Variants in MEIS2 observed in about 807,000 individuals in gnomAD.
The protein encoded by MEIS2 is Meis homeobox 2, also known as homeobox protein Meis2.
Under a neutral mutation model 58.6 loss-of-function variants are expected in MEIS2, and 9 were observed. The ratio of observed to expected loss-of-function variants is 0.15; its 90% CI spans 0.09 to 0.27. MEIS2 has a LOEUF of 0.27. Ranked by LOEUF, MEIS2 falls within the 10% of genes least tolerant of loss-of-function variation. The pLI is 1.00. For missense variants in MEIS2, 427 were observed against 635.0 expected, an observed-to-expected ratio of 0.67 and a Z score of 3.52; for synonymous variants, 221 against 228.4, an observed-to-expected ratio of 0.97 and a Z score of 0.29.
rs1596125884 is a variant in MEIS2 at position 37,093,659 on chromosome 15, G to A, written c.561C>T (p.Leu187=). The part of the protein sequence containing the change: ...SCLKGKMPID[L]VIDERDGSSK... ...AGCTGCCGTCTCTTTCATCAATGACGAGGTCGATGGGCATTTTCCCCTTCA... is the reference window on the plus strand; with the variant it reads ...AGCTGCCGTCTCTTTCATCAATGACAAGGTCGATGGGCATTTTCCCCTTCA... The change falls in exon 6 of 12, where the codon CTC becomes CTT. Residue 187 remains leucine, a synonymous_variant. Coordinates refer to ENST00000561208, the MANE Select transcript of MEIS2 (RefSeq NM_170675.5). The A allele has an allele frequency of 6.2e-7, 1 of 1,614,178 alleles. No individual in the cohort carries two copies. Among genetic ancestry groups the A allele is most frequent in the Admixed American group, 1.7e-5 (1 of 60,018 alleles).
At chr15:36,976,416 G>A (rs1265871165) in intron 8 of MEIS2, among the ~76,000 whole-genome samples, 1 of 151,086 alleles carries the variant, frequency 6.6e-6, no homozygotes, top group East Asian at 1.9e-4. Context: ...GAAAGCAAAT[G>A]GAAATGTAAG....
intron 8 of MEIS2, among the ~76,000 whole-genome samples, chr15:36,964,526 T>G (rs1373643614): frequency 2.0e-5 from 3 of 152,234 alleles, no homozygotes; most frequent in Admixed American, 6.5e-5. Context: ...TTTAAAAGCA[T>G]ATTCTCTATC....
intron 9 of MEIS2, among the ~76,000 whole-genome samples, chr15:36,925,622 T>C (rs907918467): frequency 2.0e-5 from 3 of 152,234 alleles, no homozygotes; most frequent in African/African-American, 7.2e-5. Flanking sequence ...TTTAATTTGG[T>C]TTTAATTTTA....
intron 8 of MEIS2, among the ~76,000 whole-genome samples, chr15:36,993,381 A>G (rs993769759): frequency 1.2e-4 from 18 of 152,122 alleles, no homozygotes; most frequent in African/African-American, 2.7e-4. Context: ...ATTTCTTATA[A>G]TTGTCCTTTA....
At chr15:36,926,506 T>C (rs2057754906) in intron 9 of MEIS2, among the ~76,000 whole-genome samples, 7 of 152,228 alleles carry the variant, frequency 4.6e-5, no homozygotes. Flanking sequence ...AGCAGGCACC[T>C]GTTTTCCATA....
At chr15:37,049,556 G>A (rs566155930) in intron 7 of MEIS2, among the ~76,000 whole-genome samples, 13 of 151,562 alleles carry the variant, frequency 8.6e-5, no homozygotes, top group African/African-American at 2.2e-4. Flanking sequence ...GCTCAATCTC[G>A]GCTCATTGCA....
chr15:37,083,793 G>A lies in MEIS2; in HGVS notation c.732C>T (p.Ser244=), dbSNP rs61734550. The part of the protein sequence containing the change: ...GPSSGGHASQ[S]GDNSSEQGDG... Reference sequence around the variant, plus strand: ...TACCTTGCTCACTGCTGTTGTCTCCGCTCTGGGAAGCATGGCCCCCACTGG... The same window carrying A: ...TACCTTGCTCACTGCTGTTGTCTCCACTCTGGGAAGCATGGCCCCCACTGG... Residue 244 remains serine (S), a synonymous_variant, in exon 7 of 12, where the codon AGC becomes AGT. Coordinates refer to ENST00000561208, the MANE Select transcript of MEIS2 (RefSeq NM_170675.5). 685 of 1,613,816 alleles carry A rather than the reference G, an allele frequency of 4.2e-4. 4 individuals carry two copies. In the African/African-American group the frequency reaches 7.0e-3, roughly 17 times the overall value.
intron 8 of MEIS2, among the ~76,000 whole-genome samples, chr15:37,020,085 T>G (rs2061473343): frequency 6.6e-6 from 1 of 152,126 alleles, no homozygotes; most frequent in African/African-American, 2.4e-5. Flanking sequence ...TCAGAAGGCA[T>G]TGCTTTTTGT....
At position 36,934,266 on chromosome 15, in the gene MEIS2, G is replaced by GT. The variant is rs796949461; in HGVS notation, c.977+16057dup. 3.8e-3 allele frequency among the ~76,000 whole-genome samples: 548 copies of GT among 145,024 alleles called. 4 individuals are homozygous for GT. The highest frequency in any genetic ancestry group is 0.011 in the African/African-American group (457 of 39,846). On this transcript the variant is annotated intron_variant, in intron 9 of 11. Transcript: ENST00000561208. ...GAGGAGAACATATCCACCCATTTGT[G>GT]TTTTTTTTTTTCCTCCGTAACAATT...
At chr15:36,962,543 T>G (rs1214217052) in intron 8 of MEIS2, among the ~76,000 whole-genome samples, 1 of 152,230 alleles carries the variant, frequency 6.6e-6, no homozygotes, top group Admixed American at 6.5e-5. Context: ...CATTTTTTTT[T>G]TACTGTCGCA....
rs552403585 is a variant in MEIS2, at chr15:37,040,056, T to G, written c.755-3097A>C. On this transcript the variant is annotated intron_variant, in intron 7 of 11. Transcript: ENST00000561208. ...CAACATGGATATTGGTGTTTTTTTT[T>G]TTTTGTTTTAAGGCTGTGTATGTGT... Among the ~76,000 whole-genome samples, 188 of 151,178 alleles carry G rather than the reference T, an allele frequency of 1.2e-3. 1 individual carries two copies. Among genetic ancestry groups the G allele is most frequent in the Admixed American group, 2.8e-3 (42 of 15,144 alleles).
At chr15:36,979,459 G>A (rs369377837) in intron 8 of MEIS2, among the ~76,000 whole-genome samples, 11 of 152,028 alleles carry the variant, frequency 7.2e-5, no homozygotes, top group East Asian at 5.8e-4. Flanking sequence ...GTGCTTTGGC[G>A]TTTGCCAATA....
chr15:36,989,744 A>T (rs1021086644), intron 8 of MEIS2, among the ~76,000 whole-genome samples: 1 of 152,210 alleles, frequency 6.6e-6, no homozygotes, highest in African/African-American at 2.4e-5. Context: ...CATTTCACAT[A>T]ATGGAATAGC....
At position 37,011,401 on chromosome 15, in the gene MEIS2, G is replaced by GA. The variant is rs552633814; in HGVS notation, c.900+25412dup. 3.7e-3 allele frequency among the ~76,000 whole-genome samples: 558 copies of GA among 152,160 alleles called. 1 individual carries two copies. Among genetic ancestry groups the GA allele is most frequent in the African/African-American group, 0.013 (538 of 41,504 alleles). Reference sequence around the variant, plus strand: ...AATTATACGCAGACATTTCAAAATAGAAAAATGAAGTTCTTTATTAAGATA... The same window carrying GA: ...AATTATACGCAGACATTTCAAAATAGAAAAAATGAAGTTCTTTATTAAGATA... On this transcript the variant is annotated intron_variant, in intron 8 of 11. Coordinates refer to ENST00000561208, the MANE Select transcript of MEIS2 (RefSeq NM_170675.5).
intron 8 of MEIS2, among the ~76,000 whole-genome samples, chr15:37,024,880 C>A (rs980153756): frequency 1.3e-5 from 2 of 152,196 alleles, no homozygotes; most frequent in African/African-American, 4.8e-5. Flanking sequence ...ATGCCCAAAG[C>A]CCCAACCAGC....
Position 36,895,224 on chromosome 15 carries a change from T to C in MEIS2, c.1074A>G (p.Ala358=). Residue 358 remains alanine, a synonymous_variant, in exon 11 of 12, where the codon GCA becomes GCG. Transcript: ENST00000561208. Reference sequence around the variant, plus strand: ...CCATGGGCTGACCCTCTGGACTATATGCTGCTCCTTGGCTCACTGAAGGAT... The same window carrying C: ...CCATGGGCTGACCCTCTGGACTATACGCTGCTCCTTGGCTCACTGAAGGAT... The part of the protein sequence containing the change: ...LLDPSVSQGA[A]YSPEGQPMGS... 1 of 1,614,204 alleles carries C rather than the reference T, an allele frequency of 6.2e-7. No individual in the cohort carries two copies. The highest frequency in any genetic ancestry group is 8.5e-7 in the Non-Finnish European group (1 of 1,180,048).
chr15:36,913,735 A>C (rs960296325), intron 9 of MEIS2, among the ~76,000 whole-genome samples: 3 of 134,132 alleles, frequency 2.2e-5, no homozygotes, highest in African/African-American at 5.1e-5. Context: ...CAGGGGGAGA[A>C]AAAAAAAAGC....
chr15:37,050,538 A>G (rs1413815973), intron 7 of MEIS2, among the ~76,000 whole-genome samples: 1 of 152,210 alleles, frequency 6.6e-6, no homozygotes, highest in African/African-American at 2.4e-5. Flanking sequence ...ACTTTATTGA[A>G]ACAGACAATA....
intron 9 of MEIS2, among the ~76,000 whole-genome samples, chr15:36,926,768 C>T (rs983972845): frequency 1.3e-5 from 2 of 152,196 alleles, no homozygotes; most frequent in African/African-American, 4.8e-5. Flanking sequence ...CATCCTTTCT[C>T]TCTTTCTGGC....
Sources: gnomAD v4.1 joint callset for allele counts (sites outside exome capture counted in the v4.1 genomes callset) on GRCh38, gnomAD v4.1.1 for gene constraint, MANE v1.5 for transcripts, NCBI Gene and HGNC (gene_info 2026-07-23, HGNC 2026-07-21) for gene names.